The following SPTLC3 variants were observed in gnomAD, a reference collection of about 807,000 sequenced individuals.
The protein encoded by SPTLC3 is serine palmitoyltransferase long chain base subunit 3, also known as serine palmitoyltransferase 3.
SPTLC3 carries 36 observed loss-of-function variants against 59.3 expected under a neutral mutation model. The ratio of observed to expected loss-of-function variants is 0.61; its 90% confidence interval spans 0.47 to 0.80. The LOEUF is 0.80. SPTLC3 is among the 30% of genes least tolerant of loss of function. The pLI, the probability that SPTLC3 is intolerant of heterozygous loss-of-function variation, is 0.00. For missense variants in SPTLC3, 625 were observed against 685.1 expected (o/e 0.91, Z 0.98); for synonymous variants, 257 against 240.8 (o/e 1.07, Z -0.62).
intron 6 of SPTLC3, among the ~76,000 whole-genome samples, chr20:13,098,366 T>C (rs192938854): frequency 6.8e-4 from 103 of 152,272 alleles, no homozygotes; most frequent in African/African-American, 2.3e-3. Context: ...TAAATATGCA[T>C]AGACGAGATG....
intron 1 of SPTLC3, among the ~76,000 whole-genome samples, chr20:13,011,800 C>T (rs903808768): frequency 6.6e-6 from 1 of 151,786 alleles, no homozygotes; most frequent in Non-Finnish European, 1.5e-5. Flanking sequence ...TCATCACTGA[C>T]TAAGTCCATT....
intron 7 of SPTLC3, among the ~76,000 whole-genome samples, chr20:13,110,865 G>T (rs1168602924): frequency 1.3e-5 from 2 of 152,064 alleles, no homozygotes; most frequent in Admixed American, 1.3e-4. Context: ...CTCCTATAAT[G>T]ATAGAAAAGT....
intron 2 of SPTLC3, chr20:13,049,898 G>A (rs746381497): frequency 6.6e-6 from 1 of 152,188 alleles, no homozygotes; most frequent in African/African-American, 2.4e-5. Flanking sequence ...CATAGGAAAA[G>A]GGGGAGAGTA....
chr20:13,091,241 A>G (rs780715788), intron 5 of SPTLC3, 34 bp downstream of exon 5: 11 of 1,607,074 alleles, frequency 6.8e-6, no homozygotes, highest in Non-Finnish European at 7.7e-6. Flanking sequence ...CTTCTACTGT[A>G]TTACTCCTAA....
At chr20:13,047,748 T>A (rs923256169) in intron 1 of SPTLC3, among the ~76,000 whole-genome samples, 3 of 152,036 alleles carry the variant, frequency 2.0e-5, no homozygotes, top group Non-Finnish European at 1.5e-5. Context: ...AAACAGAAAA[T>A]TTTTTAAACT....
chr20:13,030,644 T>C (rs943415479), intron 1 of SPTLC3, among the ~76,000 whole-genome samples: 4 of 152,174 alleles, frequency 2.6e-5, no homozygotes, highest in African/African-American at 7.2e-5. Flanking sequence ...GACACTGTTC[T>C]AGGAACTGGG....
intron 4 of SPTLC3, 92 bp downstream of exon 4, chr20:13,074,589 C>A: frequency 2.9e-6 from 4 of 1,362,892 alleles, no homozygotes; most frequent in Admixed American, 2.4e-5. Context: ...TGGACTGTGT[C>A]CCTTAAAAAG....
chr20:13,056,273 C>CAA (rs1336030518), intron 2 of SPTLC3, among the ~76,000 whole-genome samples: 3 of 152,144 alleles, frequency 2.0e-5, no homozygotes, highest in Admixed American at 6.5e-5. Context: ...GAGCAATAGT[C>CAA]AATAGACTCA....
intron 1 of SPTLC3, among the ~76,000 whole-genome samples, chr20:13,020,667 C>G (rs1985833799): frequency 6.6e-6 from 1 of 152,112 alleles, no homozygotes; most frequent in Non-Finnish European, 1.5e-5. Flanking sequence ...TATGTGGTAG[C>G]TTTTCGCACT....
intron 2 of SPTLC3, among the ~76,000 whole-genome samples, chr20:13,070,989 C>A (rs1177040085): frequency 5.9e-5 from 9 of 152,196 alleles, no homozygotes; most frequent in Admixed American, 2.0e-4. Context: ...GACTCTCCCA[C>A]ATAAAGCTTC....
intron 4 of SPTLC3, among the ~76,000 whole-genome samples, chr20:13,084,700 G>A (rs919473453): frequency 6.6e-6 from 1 of 152,048 alleles, no homozygotes; most frequent in Admixed American, 6.6e-5. Flanking sequence ...GCATCACGTT[G>A]GTACCTGTGT....
At chr20:13,158,579 C>T (rs905533557) in intron 10 of SPTLC3, among the ~76,000 whole-genome samples, 4 of 152,166 alleles carry the variant, frequency 2.6e-5, no homozygotes, top group Non-Finnish European at 5.9e-5. Flanking sequence ...AGCTCTCATT[C>T]TGTGCAGTTC....
At chr20:13,061,616 T>C (rs11907467) in intron 2 of SPTLC3, among the ~76,000 whole-genome samples, 2,620 of 152,240 alleles carry the variant, frequency 0.017, 71 homozygotes, top group African/African-American at 0.059. Context: ...CCAGTCCAGG[T>C]GCTCTGGACA....
intron 9 of SPTLC3, among the ~76,000 whole-genome samples, chr20:13,144,674 C>A (rs1177153800): frequency 1.3e-5 from 2 of 152,208 alleles, no homozygotes; most frequent in Non-Finnish European, 1.5e-5. Context: ...GAGGTACACA[C>A]CACAGTTACC....
chr20:13,074,585 G>C (rs1988574475), intron 4 of SPTLC3, 88 bp downstream of exon 4: 3 of 1,384,118 alleles, frequency 2.2e-6, no homozygotes, highest in Non-Finnish European at 2.9e-6. Context: ...TATTTGGACT[G>C]TGTCCCTTAA....
rs570026890 is a variant in SPTLC3, at chr20:13,023,760, T to C, written c.117+14376T>C. Among the ~76,000 whole-genome samples, 5 of 152,338 alleles carry C rather than the reference T, an allele frequency of 3.3e-5. No homozygotes were observed. In the East Asian group the frequency reaches 9.6e-4, roughly 29 times the overall value. ...TCTCTATTGCTATCCAGATATGATA[T>C]ACTCCAAGCTTGGAGGTAGGGAGCA... is the stretch of plus-strand genomic sequence containing the variant. On this transcript the variant is annotated intron_variant, in intron 1 of 11. Coordinates refer to ENST00000399002, the MANE Select transcript of SPTLC3 (RefSeq NM_018327.4).
At chr20:13,154,316 T>C (rs1355254259) in intron 10 of SPTLC3, among the ~76,000 whole-genome samples, 178 bp downstream of exon 10, 1 of 152,124 alleles carries the variant, frequency 6.6e-6, no homozygotes, top group Admixed American at 6.6e-5. Context: ...ACAGGTCTTA[T>C]AGAAAGGGAA....
intron 2 of SPTLC3, among the ~76,000 whole-genome samples, chr20:13,065,053 CCTT>C (rs1205449454): frequency 6.6e-6 from 1 of 151,992 alleles, no homozygotes; most frequent in East Asian, 1.9e-4. Context: ...TAAATTCACT[CCTT>C]CACAGTGTCT....
Position 13,048,989 on chromosome 20 carries a change from G to A in SPTLC3, c.162G>A (p.Ser54=), listed in dbSNP as rs189860206. 24 of 1,596,690 alleles carry A rather than the reference G, an allele frequency of 1.5e-5. No individual in the cohort carries two copies. The highest frequency in any genetic ancestry group is 7.3e-5 in the Admixed American group (4 of 55,124). Reference sequence around the variant, plus strand: ...TTTATGATAAGCTCATTGTTGAATCGTTTGAGGAAGCACCCCTTCATGTTA... The same window carrying A: ...TTTATGATAAGCTCATTGTTGAATCATTTGAGGAAGCACCCCTTCATGTTA... ...PHFYDKLIVE[S]FEEAPLHVMV... Residue 54 remains serine, a synonymous_variant, in exon 2 of 12, where the codon TCG becomes TCA. Transcript: ENST00000399002.
Sources: allele counts gnomAD v4.1 joint callset (sites outside exome capture counted in the v4.1 genomes callset), GRCh38; gene constraint gnomAD v4.1.1; transcripts MANE v1.5; gene names NCBI Gene and HGNC (gene_info 2026-07-23, HGNC 2026-07-21).